ACAP1: variants seen among roughly 807,000 people sequenced by gnomAD.
ACAP1 encodes ArfGAP with coiled-coil, ankyrin repeat and PH domains 1, also known as arf-GAP with coiled-coil, ANK repeat and PH domain-containing protein 1.
Under a neutral mutation model 98.8 loss-of-function variants are expected in ACAP1, and 45 were observed. The ratio of observed to expected loss-of-function variants is 0.46; its 90% CI spans 0.36 to 0.58. The LOEUF is 0.58. ACAP1 is among the 20% of genes least tolerant of loss of function. The pLI is 0.00. For missense variants in ACAP1, 735 were observed against 971.4 expected, an observed-to-expected ratio of 0.76 and a Z score of 3.24; for synonymous variants, 362 against 375.3, an observed-to-expected ratio of 0.96 and a Z score of 0.41.
Position 7,351,394 on chromosome 17 carries a change from G to C in ACAP1, c.2222G>C (p.Ter741SerextTer?). ...SRRSHDLHTL[*>S] ...CGCAGTCATGACCTCCACACGCTGT[G>C]ACCCGAGGCCCACGGGGCCCGCGCC... is the stretch of plus-strand genomic sequence containing the variant. Residue 741 changes from the stop codon to serine, a stop_lost, in exon 22 of 22, where the codon TGA becomes TCA. Coordinates refer to ENST00000158762, the MANE Select transcript of ACAP1 (RefSeq NM_014716.4). The C allele has an allele frequency of 6.2e-7, 1 of 1,609,820 alleles. No individual in the cohort carries two copies.
In ACAP1 at chr17:7,342,108, A is replaced by T. The variant is rs200954431; in HGVS notation, c.231+41A>T. 34 of 1,611,076 alleles carry T rather than the reference A, an allele frequency of 2.1e-5. No homozygotes were observed. The Admixed American group carries it at 5.5e-4, about 26-fold the overall frequency. On this transcript the variant is annotated intron_variant, in intron 3 of 21. Transcript: ENST00000158762. ...GCATCTGGGAGGGAAGGGGTCTGGG[A>T]TGAGGAGGTGATGCTGTGGAAGAGG...
chr17:7,349,243 C>T, intron 18 of ACAP1, 76 bp downstream of exon 18: 1 of 1,503,468 alleles, frequency 6.7e-7, no homozygotes, highest in Non-Finnish European at 9.0e-7. Flanking sequence ...CTGCCCTTAC[C>T]TCCTTTCCCC....
intron 2 of ACAP1, 79 bp downstream of exon 2, chr17:7,337,448 G>A (rs1227169744): frequency 2.1e-5 from 27 of 1,281,086 alleles, no homozygotes; most frequent in Non-Finnish European, 3.1e-5. Context: ...TGGAGACACA[G>A]AATGCATCCC....
intron 18 of ACAP1, 48 bp downstream of exon 18, chr17:7,349,215 T>C (rs1186989140): frequency 1.3e-6 from 2 of 1,599,752 alleles, no homozygotes; most frequent in Admixed American, 1.7e-5. Flanking sequence ...CTCTGACACC[T>C]ACTCCTGACT....
chr17:7,348,947 C>G (rs1394681775), intron 17 of ACAP1, 48 bp from the exon 18 acceptor site: 2 of 1,572,170 alleles, frequency 1.3e-6, no homozygotes, highest in Admixed American at 3.4e-5. Flanking sequence ...GGTTTTCTTC[C>G]CAGACTCGGA....
At position 7,336,762 on chromosome 17, in the gene ACAP1, T is replaced by A. The variant is rs1480220602; in HGVS notation, c.28T>A (p.Cys10Ser). 6.2e-7 allele frequency: 1 copy of A among 1,613,382 alleles called. No homozygotes were observed. The highest frequency in any genetic ancestry group is 1.1e-5 in the South Asian group (1 of 91,056). ...GACGGTCAAGCTGGATTTCGAGGAG[T>A]GTCTCAAGGACTCACCCCGTTTCCG... Reference protein sequence around the residue: MTVKLDFEECLKDSPRFRAS... With the variant: MTVKLDFEESLKDSPRFRAS... Residue 10 changes from cysteine (C) to serine (S), a missense_variant, in exon 1 of 22, where the codon TGT (cysteine) becomes AGT (serine). Cys to Ser is a moderately radical substitution (Grantham distance 112). This residue lies in a region of ACAP1 where 430 missense variants were observed against 531.8 expected (regional missense o/e 0.81). Coordinates refer to ENST00000158762, the MANE Select transcript of ACAP1 (RefSeq NM_014716.4).
At chr17:7,337,564 T>TA (rs1465725511) in intron 2 of ACAP1, among the ~76,000 whole-genome samples, 195 bp downstream of exon 2, 2 of 152,104 alleles carry the variant, frequency 1.3e-5, no homozygotes, top group African/African-American at 4.8e-5. Context: ...AAACAAGACT[T>TA]ACTTTTGGGC....
At position 7,343,860 on chromosome 17, in the gene ACAP1, G is replaced by T; in HGVS notation, c.574-1G>T. The T allele has an allele frequency of 6.2e-7, 1 of 1,614,006 alleles. No homozygotes were observed. The highest frequency in any genetic ancestry group is 8.5e-7 in the Non-Finnish European group (1 of 1,179,936). ...TTCCCACTGCCCGCCTTGTCCCCCA[G>T]GTGCTGCGTTTGGTGGAGGCCCAGG... On this transcript the variant is annotated splice_acceptor_variant, in intron 7 of 21. Transcript: ENST00000158762. LOFTEE classifies it high-confidence loss of function. This position sits in a 1 kb window ranked among gnomAD's most constrained non-coding sequence, Gnocchi z 4.9.
Position 7,336,576 on chromosome 17 carries a change from T to G in ACAP1, c.-159T>G. 1.4e-6 allele frequency: 1 copy of G among 721,164 alleles called. No individual in the cohort carries two copies. Among genetic ancestry groups the G allele is most frequent in the Non-Finnish European group, 2.4e-6 (1 of 416,066 alleles). The allele number at this position is 721,164 out of a possible 1,614,324, so 44.7% of individuals were successfully genotyped here. A position where few individuals can be genotyped will look rare whatever the true frequency, so the allele number is the denominator to read the frequency against. On this transcript the variant is annotated 5_prime_UTR_variant, in exon 1 of 22. Coordinates refer to ENST00000158762, the MANE Select transcript of ACAP1 (RefSeq NM_014716.4). ...TGAGAGCTCCTCCTAGGACACCCCT[T>G]TCCCCTTGGGGAAAGAATTGTGCCC...
intron 2 of ACAP1, 46 bp downstream of exon 2, chr17:7,337,415 A>G: frequency 1.3e-6 from 2 of 1,548,306 alleles, no homozygotes; most frequent in Non-Finnish European, 8.9e-7. Flanking sequence ...TTAGGTTGAG[A>G]GGGGTAGGGC....
At chr17:7,349,468 C>G (rs927086312) in intron 18 of ACAP1, 5 of 304,516 alleles carry the variant, frequency 1.6e-5, no homozygotes, top group African/African-American at 2.2e-5. Flanking sequence ...CTCCGCCTCC[C>G]GGGTTCACAC....
Position 7,347,951 on chromosome 17 carries a change from G to A in ACAP1, c.1373G>A (p.Arg458Gln), listed in dbSNP as rs1380039244. 3.7e-6 allele frequency: 6 copies of A among 1,614,176 alleles called. No individual in the cohort carries two copies. The highest frequency in any genetic ancestry group is 1.3e-5 in the African/African-American group (1 of 75,060). ...CTTGGTGTTCACTTCTCCAAAGTCC[G>A]GTCTCTGACCCTTGACTCATGGGAG... is the stretch of plus-strand genomic sequence containing the variant. ...RSLGVHFSKV[R>Q]SLTLDSWEPE... Residue 458 changes from arginine to glutamine, a missense_variant, in exon 15 of 22, where the codon CGG (arginine) becomes CAG (glutamine). Coordinates refer to ENST00000158762, the MANE Select transcript of ACAP1 (RefSeq NM_014716.4).
rs2073376506 is a variant in ACAP1 at position 7,349,034 on chromosome 17, C to T, written c.1718C>T (p.Ala573Val). ...GACCTGGGAAGCCTGCACCCTGGGG[C>T]CCTACTGTTTCGAGCGTCTGGGCAT... ...SEDLGSLHPG[A>V]LLFRASGHPP... The change falls in exon 18 of 22, where the codon GCC becomes GTC. Residue 573 changes from alanine (A) to valine (V), a missense_variant. Ala to Val is a moderately conservative substitution (Grantham distance 64, BLOSUM62 0). Transcript: ENST00000158762. The T allele has an allele frequency of 6.2e-7, 1 of 1,613,748 alleles. No homozygotes were observed. Among genetic ancestry groups the T allele is most frequent in the Non-Finnish European group, 8.5e-7 (1 of 1,179,998 alleles).
chr17:7,348,544 A>G, intron 17 of ACAP1, 69 bp downstream of exon 17: 1 of 1,426,228 alleles, frequency 7.0e-7, no homozygotes, highest in Non-Finnish European at 9.2e-7. Flanking sequence ...TAGCGCCGGG[A>G]GGCACAGAGT....
intron 17 of ACAP1, 50 bp downstream of exon 17, chr17:7,348,525 C>A: frequency 1.4e-6 from 2 of 1,437,898 alleles, no homozygotes; most frequent in South Asian, 1.5e-5. Flanking sequence ...TGCTCGGCAT[C>A]GTGCCAGGTA....
In ACAP1 at chr17:7,350,447, G is replaced by A; in HGVS notation, c.2072+210G>A. ...GAGTAGAAGGCAGGCGGGAGGGCGG[G>A]CAGGGTGCAAGGATGCTTGGCCCAC... is the stretch of plus-strand genomic sequence containing the variant. On this transcript the variant is annotated intron_variant, in intron 20 of 21. Coordinates refer to ENST00000158762, the MANE Select transcript of ACAP1 (RefSeq NM_014716.4). The surrounding 1 kb of genome is among the most constrained non-coding windows in gnomAD (Gnocchi z 4.6). 4 of 575,410 alleles carry A rather than the reference G, an allele frequency of 7.0e-6. No homozygotes were observed. In the South Asian group the frequency reaches 8.1e-5, roughly 12 times the overall value. 35.6% of individuals were successfully genotyped at this position (575,410 alleles called of 1,614,324 possible).
At chr17:7,348,539 C>T (rs1195710846) in intron 17 of ACAP1, 64 bp downstream of exon 17, 1 of 1,428,752 alleles carries the variant, frequency 7.0e-7, no homozygotes, top group African/African-American at 1.4e-5. Flanking sequence ...CCAGGTAGCG[C>T]CGGGAGGCAC....
chr17:7,348,302 A>C lies in ACAP1; in HGVS notation c.1509-4A>C. On this transcript the variant is annotated splice_polypyrimidine_tract_variant and splice_region_variant and intron_variant, in intron 16 of 21. Coordinates refer to ENST00000158762, the MANE Select transcript of ACAP1 (RefSeq NM_014716.4). ...GAAGACTGCGTGCTTCTCCCCTCCC[A>C]CAGGCAGGAGAAGGAGGCCTGGATT... 2 of 1,590,514 alleles carry C rather than the reference A, an allele frequency of 1.3e-6. No homozygotes were observed. Among genetic ancestry groups the C allele is most frequent in the South Asian group, 1.1e-5 (1 of 88,748 alleles).
At chr17:7,339,567 G>A (rs1033452724) in intron 2 of ACAP1, among the ~76,000 whole-genome samples, 4 of 151,906 alleles carry the variant, frequency 2.6e-5, no homozygotes, top group Non-Finnish European at 4.4e-5. Flanking sequence ...CCGAGATCAC[G>A]CCACCACACT....
Sources: gnomAD v4.1 joint callset for allele counts (sites outside exome capture counted in the v4.1 genomes callset) on GRCh38, gnomAD v4.1.1 for gene constraint, gnomAD v4.1.1 regional missense constraint, Gnocchi (gnomAD v3.1) non-coding constraint, MANE v1.5 for transcripts, NCBI Gene and HGNC (gene_info 2026-07-23, HGNC 2026-07-21) for gene names.